ARHGAP32: variants seen among roughly 807,000 people sequenced by gnomAD.
ARHGAP32 encodes the protein Rho GTPase activating protein 32, also known as rho GTPase-activating protein 32.
ARHGAP32 carries 51 observed loss-of-function variants against 186.5 expected under a neutral mutation model. The observed-to-expected ratio is 0.27, with a 90% CI of 0.22 to 0.35. The LOEUF is 0.35. Among genes scored for constraint, ARHGAP32 ranks in the 10% least tolerant of loss-of-function variants. The pLI is 1.00. For synonymous variants in ARHGAP32, 950 were observed against 964.3 expected (o/e 0.99, Z 0.27); for missense variants, 2,186 against 2,623.5 (o/e 0.83, Z 3.64).
chr11:129,052,625 A>T (rs1225270850), intron 10 of ARHGAP32, among the ~76,000 whole-genome samples: 2 of 151,520 alleles, frequency 1.3e-5, no homozygotes, highest in East Asian at 1.9e-4. Flanking sequence ...TTTCAGATAC[A>T]GTCCTAAGTA....
At chr11:129,185,620 C>G (rs1296569299) in intron 1 of ARHGAP32, among the ~76,000 whole-genome samples, 1 of 151,916 alleles carries the variant, frequency 6.6e-6, no homozygotes, top group East Asian at 1.9e-4. Context: ...AAAAATGACA[C>G]AAATAATTAA....
intron 1 of ARHGAP32, among the ~76,000 whole-genome samples, chr11:129,265,385 T>A (rs61912960): frequency 6.6e-6 from 1 of 152,094 alleles, no homozygotes; most frequent in Admixed American, 6.5e-5. Context: ...GGTTGTCCTG[T>A]GCAGGAGTAA....
Position 129,125,650 on chromosome 11 carries a change from G to A in ARHGAP32, c.226-756C>T, listed in dbSNP as rs534370355. Among the ~76,000 whole-genome samples, 10 of 151,866 alleles carry A rather than the reference G, an allele frequency of 6.6e-5. No individual in the cohort carries two copies. In the South Asian group the frequency reaches 2.1e-3, roughly 32 times the overall value. ...ACCTTAACTTTTGCAATGTTTTCTT[G>A]TGAGAAAACAAAAAAGCCAGACAGT... On this transcript the variant is annotated intron_variant, in intron 2 of 22. Transcript: ENST00000682385.
intron 2 of ARHGAP32, among the ~76,000 whole-genome samples, chr11:129,156,680 A>G (rs1943415533): frequency 1.3e-5 from 2 of 152,194 alleles, no homozygotes; most frequent in African/African-American, 4.8e-5. Flanking sequence ...CCTGCCTGCC[A>G]ACTCTGAAGA....
At chr11:129,102,012 CAGA>C (rs1333584398) in intron 5 of ARHGAP32, among the ~76,000 whole-genome samples, 4 of 152,176 alleles carry the variant, frequency 2.6e-5, no homozygotes, top group African/African-American at 9.7e-5. Flanking sequence ...GACCTCTCAG[CAGA>C]AACCCTACAA....
chr11:129,096,827 T>G (rs1941743010), intron 5 of ARHGAP32, among the ~76,000 whole-genome samples: 1 of 152,202 alleles, frequency 6.6e-6, no homozygotes. Context: ...TTTTCTCTTT[T>G]TCCTCCTTTG....
intron 1 of ARHGAP32, among the ~76,000 whole-genome samples, chr11:129,218,156 T>C (rs540984265): frequency 4.6e-5 from 7 of 152,334 alleles, no homozygotes; most frequent in South Asian, 4.1e-4. Context: ...CTTTTAAATA[T>C]CATTTCATGA....
chr11:129,242,210 C>A (rs1249136534), intron 1 of ARHGAP32, among the ~76,000 whole-genome samples: 1 of 152,170 alleles, frequency 6.6e-6, no homozygotes, highest in Non-Finnish European at 1.5e-5. Flanking sequence ...AGTCACCACT[C>A]TCAAGGCCAA....
In ARHGAP32 at chr11:129,273,499, C is replaced by G. The variant is rs149228719; in HGVS notation, c.-5+5647G>C. Among the ~76,000 whole-genome samples, 33 of 152,280 alleles carry G rather than the reference C, an allele frequency of 2.2e-4. No homozygotes were observed. The East Asian group carries it at 6.0e-3, about 28-fold the overall frequency. On this transcript the variant is annotated intron_variant, in intron 1 of 6. Transcript: ENST00000525234. ...GTCCAAAGTCACAAGCTGTTTACAA[C>G]AGAGCCAAGACAAACATCCAGGTCC...
chr11:129,140,335 A>T (rs1386895912), intron 2 of ARHGAP32, among the ~76,000 whole-genome samples: 1 of 152,216 alleles, frequency 6.6e-6, no homozygotes. Context: ...CCGCTTTAGG[A>T]GACCCTGAGC....
chr11:129,137,307 T>A (rs1277695449), intron 2 of ARHGAP32, among the ~76,000 whole-genome samples: 1 of 151,910 alleles, frequency 6.6e-6, no homozygotes, highest in African/African-American at 2.4e-5. Flanking sequence ...GATGGAAGAT[T>A]TTTCTGAATG....
chr11:128,966,018 GA>G lies in ARHGAP32; in HGVS notation c.*2888del, dbSNP rs1945214702. 6.6e-6 allele frequency: 1 copy of G among 152,174 alleles called. No individual in the cohort carries two copies. The highest frequency in any genetic ancestry group is 2.1e-4 in the South Asian group (1 of 4,834). 9.4% of individuals were successfully genotyped at this position (152,174 alleles called of 1,614,324 possible). On this transcript the variant is annotated 3_prime_UTR_variant, in exon 23 of 23. Coordinates refer to ENST00000682385, the MANE Select transcript of ARHGAP32 (RefSeq NM_001378024.1). ...TCCCAGGGACTTGCAGGTTTGAAAC[GA>G]AATTGAATATAGTAAGAAATAAGGC...
intron 11 of ARHGAP32, among the ~76,000 whole-genome samples, chr11:129,008,535 C>T (rs1454533868): frequency 6.6e-6 from 1 of 152,148 alleles, no homozygotes; most frequent in Admixed American, 6.5e-5. Context: ...AGGTGACCAA[C>T]CATCCTGGTT....
intron 5 of ARHGAP32, among the ~76,000 whole-genome samples, chr11:129,120,287 T>C (rs1226070947): frequency 6.6e-6 from 1 of 151,912 alleles, no homozygotes; most frequent in Non-Finnish European, 1.5e-5. Context: ...AAGGATAGAG[T>C]TGCTATTTAC....
At chr11:129,056,403 C>T (rs35714139) in intron 10 of ARHGAP32, among the ~76,000 whole-genome samples, 1,873 of 152,204 alleles carry the variant, frequency 0.012, 23 homozygotes, top group Middle Eastern at 0.037. Context: ...TGTACCACTT[C>T]GCCTGGGTCA....
intron 1 of ARHGAP32, among the ~76,000 whole-genome samples, chr11:129,207,384 A>G (rs969447892): frequency 8.5e-5 from 13 of 152,154 alleles, no homozygotes; most frequent in African/African-American, 3.1e-4. Flanking sequence ...ATTTCTCCAC[A>G]TCCTCTCCAG....
Position 128,969,240 on chromosome 11 carries a change from G to A in ARHGAP32, c.5973C>T (p.Ile1991=), listed in dbSNP as rs779625272. 2.6e-5 allele frequency: 42 copies of A among 1,613,988 alleles called. No homozygotes were observed. The highest frequency in any genetic ancestry group is 1.0e-4 in the Admixed American group (6 of 60,004). Residue 1991 remains isoleucine (I), a synonymous_variant, in exon 23 of 23, where the codon ATC becomes ATT. Coordinates refer to ENST00000682385, the MANE Select transcript of ARHGAP32 (RefSeq NM_001378024.1). This position sits in a 1 kb window ranked among gnomAD's most constrained non-coding sequence, Gnocchi z 4.8. ...YKEEEHLTQS[I]VPPPKPERSH... ...TCCTCTCTGGTTTAGGGGGTGGGAC[G>A]ATTGACTGAGTGAGGTGTTCTTCCT...
At chr11:129,091,098 T>C (rs766242994) in intron 6 of ARHGAP32, among the ~76,000 whole-genome samples, 3 of 152,124 alleles carry the variant, frequency 2.0e-5, no homozygotes, top group Non-Finnish European at 4.4e-5. Flanking sequence ...GAGGGAGTTG[T>C]GGGCTCACCA....
chr11:129,035,870 T>C (rs924623402), intron 11 of ARHGAP32, among the ~76,000 whole-genome samples: 2 of 151,938 alleles, frequency 1.3e-5, no homozygotes, highest in South Asian at 4.2e-4. Context: ...CACATTTCCT[T>C]ATGCCAACTC....
Sources: allele counts gnomAD v4.1 joint callset (sites outside exome capture counted in the v4.1 genomes callset), GRCh38; gene constraint gnomAD v4.1.1; non-coding constraint Gnocchi (gnomAD v3.1); transcripts MANE v1.5; gene names NCBI Gene and HGNC (gene_info 2026-07-23, HGNC 2026-07-21).